Variants in HEPACAM observed in about 807,000 individuals in gnomAD.
HEPACAM encodes the protein hepatic and glial cell adhesion molecule, also known as hepatocyte cell adhesion molecule.
HEPACAM carries 18 observed loss-of-function variants against 38.3 expected under a neutral mutation model. The ratio of observed to expected loss-of-function variants is 0.47; its 90% CI spans 0.33 to 0.70. The LOEUF (loss-of-function observed/expected upper bound fraction) is 0.70. Among genes scored for constraint, HEPACAM ranks in the 30% least tolerant of loss-of-function variants. HEPACAM has a pLI of 0.03. For missense variants in HEPACAM, 466 were observed against 563.0 expected (o/e 0.83, Z 1.74); for synonymous variants, 216 against 243.1 (o/e 0.89, Z 1.04).
Position 124,920,568 on chromosome 11 carries a change from A to G in HEPACAM, c.*570T>C, listed in dbSNP as rs1947115168. The G allele has an allele frequency of 1.5e-6, 2 of 1,311,696 alleles. No individual in the cohort carries two copies. The highest frequency in any genetic ancestry group is 2.0e-6 in the Non-Finnish European group (2 of 1,007,534). 81.3% of individuals were successfully genotyped at this position (1,311,696 alleles called of 1,614,324 possible). On this transcript the variant is annotated 3_prime_UTR_variant, in exon 7 of 7. Coordinates refer to ENST00000298251, the MANE Select transcript of HEPACAM (RefSeq NM_152722.5). ...CCCAGGGAAGAAGGCCTTCACAATG[A>G]TCCCCCCAGCTCAGAACAGCCCCTG...
At chr11:124,929,910 A>C (rs1947262320) in intron 1 of HEPACAM, among the ~76,000 whole-genome samples, 1 of 152,114 alleles carries the variant, frequency 6.6e-6, no homozygotes, top group Non-Finnish European at 1.5e-5. Flanking sequence ...ATTTGTCTTA[A>C]ATTTACCTTT....
intron 5 of HEPACAM, 110 bp from the exon 6 acceptor site, chr11:124,922,568 T>A (rs1242400072): frequency 6.2e-7 from 1 of 1,600,068 alleles, no homozygotes; most frequent in East Asian, 2.2e-5. Flanking sequence ...CACCAACATA[T>A]CTGAATATCC....
rs1947106730 is a variant in HEPACAM, at chr11:124,920,114, C to G, written c.*1024G>C. 7.3e-7 allele frequency: 1 copy of G among 1,368,666 alleles called. No homozygotes were observed. The allele number at this position is 1,368,666 out of a possible 1,614,324, so 84.8% of individuals were successfully genotyped here. On this transcript the variant is annotated 3_prime_UTR_variant, in exon 7 of 7. Transcript: ENST00000298251. ...GCCAGGGGTTGGATCATGTTCCCCC[C>G]AAATGCTGGGAAGCAATAAGCCTCC...
rs570856294 is a variant in HEPACAM, at chr11:124,931,896, C to A, written c.85+4026G>T. 2.6e-5 allele frequency among the ~76,000 whole-genome samples: 4 copies of A among 152,324 alleles called. No homozygotes were observed. The East Asian group carries it at 7.7e-4, about 29-fold the overall frequency. ...AGCAATAAATTGTGGCATATTCATACAATGGAATACTATACAGCAGTGAGA... is the reference window on the plus strand; with the variant it reads ...AGCAATAAATTGTGGCATATTCATAAAATGGAATACTATACAGCAGTGAGA... On this transcript the variant is annotated intron_variant, in intron 1 of 6. Coordinates refer to ENST00000298251, the MANE Select transcript of HEPACAM (RefSeq NM_152722.5).
At chr11:124,931,392 A>G (rs1947279494) in intron 1 of HEPACAM, among the ~76,000 whole-genome samples, 1 of 152,020 alleles carries the variant, frequency 6.6e-6, no homozygotes. Context: ...AAAATTATAG[A>G]GAAGAGATCT....
chr11:124,924,711 C>T lies in HEPACAM; in HGVS notation c.427+17G>A, dbSNP rs745542468. 6.2e-7 allele frequency: 1 copy of T among 1,608,832 alleles called. No individual in the cohort carries two copies. Reference sequence around the variant, plus strand: ...CCACCTGCCAGTCTTGCCTCTTTCCCTGCCAGAGCGCTTTACCATCTACAG... The same window carrying T: ...CCACCTGCCAGTCTTGCCTCTTTCCTTGCCAGAGCGCTTTACCATCTACAG... On this transcript the variant is annotated intron_variant, in intron 2 of 6. Coordinates refer to ENST00000298251, the MANE Select transcript of HEPACAM (RefSeq NM_152722.5). This position sits in a 1 kb window ranked among gnomAD's most constrained non-coding sequence, Gnocchi z 4.4.
chr11:124,930,675 A>G (rs545397310), intron 1 of HEPACAM, among the ~76,000 whole-genome samples: 1 of 152,358 alleles, frequency 6.6e-6, no homozygotes, highest in Non-Finnish European at 1.5e-5. Flanking sequence ...ACATGAAGAT[A>G]GACAAATAGA....
Position 124,922,759 on chromosome 11 carries a change from C to A in HEPACAM, c.863G>T (p.Arg288Leu), listed in dbSNP as rs181347307. The A allele has an allele frequency of 1.2e-6, 2 of 1,614,188 alleles. No individual in the cohort carries two copies. The highest frequency in any genetic ancestry group is 1.7e-5 in the Admixed American group (1 of 60,024). ...SLEYMDQNDD[R>L]LKPEADTLPR... is the part of the protein sequence containing the mutation. Reference sequence around the variant, plus strand: ...TGGGAGCTCACCTTCTGGTTTCAGGCGGTCATCATTCTGATCCATGTATTC... The same window carrying A: ...TGGGAGCTCACCTTCTGGTTTCAGGAGGTCATCATTCTGATCCATGTATTC... Residue 288 changes from arginine (R) to leucine (L), a missense_variant, in exon 5 of 7, where the codon CGC (arginine) becomes CTC (leucine). By Grantham distance (102) the Arg-to-Leu change is moderately radical. Transcript: ENST00000298251.
intron 4 of HEPACAM, 69 bp downstream of exon 4, chr11:124,923,271 T>C: frequency 1.9e-6 from 2 of 1,044,434 alleles, no homozygotes. Context: ...TAAAGAGACT[T>C]AAGAAAATAA....
In HEPACAM at chr11:124,923,819, C is replaced by A; in HGVS notation, c.619G>T (p.Val207Leu). Residue 207 changes from valine (V) to leucine (L), a missense_variant, in exon 3 of 7, where the codon GTG becomes TTG. Physicochemically the swap from Val to Leu is conservative, Grantham distance 32. Coordinates refer to ENST00000298251, the MANE Select transcript of HEPACAM (RefSeq NM_152722.5). ...PDQKVLTITR[V>L]LMEDDDLYSC... Reference sequence around the variant, plus strand: ...TACAGGTCGTCATCCTCCATGAGCACGCGGGTGATGGTGAGCACCTTTTGG... The same window carrying A: ...TACAGGTCGTCATCCTCCATGAGCAAGCGGGTGATGGTGAGCACCTTTTGG... 6.2e-7 allele frequency: 1 copy of A among 1,614,206 alleles called. No homozygotes were observed. The highest frequency in any genetic ancestry group is 8.5e-7 in the Non-Finnish European group (1 of 1,180,046).
chr11:124,923,527 G>T, intron 3 of HEPACAM, 94 bp from the exon 4 acceptor site: 3 of 1,139,770 alleles, frequency 2.6e-6, no homozygotes, highest in Non-Finnish European at 2.6e-6. Context: ...GAGAGGGGGA[G>T]CCCCAGGCTG....
At position 124,919,717 on chromosome 11, in the gene HEPACAM, G is replaced by C; in HGVS notation, c.*1421C>G. On this transcript the variant is annotated 3_prime_UTR_variant, in exon 7 of 7. Transcript: ENST00000298251. The stretch of plus-strand genomic sequence containing the variant: ...CAAACTAGAAATGTCAGTGCCTTTG[G>C]GGCTGAGACAAAACTTGACCTGGTG... 6.2e-7 allele frequency: 1 copy of C among 1,607,898 alleles called. No homozygotes were observed. Among genetic ancestry groups the C allele is most frequent in the East Asian group, 2.2e-5 (1 of 44,812 alleles).
rs1947152999 is a variant in HEPACAM at position 124,922,475 on chromosome 11, A to G, written c.878-17T>C. The stretch of plus-strand genomic sequence containing the variant: ...GGGTGTCTGCTGCACAGGGGAGAGA[A>G]GCGGGTGGCTGGCCCAGGTACAGAC... On this transcript the variant is annotated splice_polypyrimidine_tract_variant and intron_variant, in intron 5 of 6. Transcript: ENST00000298251. The G allele has an allele frequency of 6.2e-7, 1 of 1,613,832 alleles. No individual in the cohort carries two copies. Among genetic ancestry groups the G allele is most frequent in the Non-Finnish European group, 8.5e-7 (1 of 1,179,908 alleles).
At chr11:124,930,331 G>A (rs1293233708) in intron 1 of HEPACAM, among the ~76,000 whole-genome samples, 5 of 151,736 alleles carry the variant, frequency 3.3e-5, no homozygotes, top group African/African-American at 4.8e-5. Flanking sequence ...TGGGGCTGCC[G>A]TGTTGTATTC....
chr11:124,922,355 A>C (rs1012122819), intron 6 of HEPACAM, 33 bp downstream of exon 6: 1 of 1,595,076 alleles, frequency 6.3e-7, no homozygotes, highest in African/African-American at 1.3e-5. Context: ...GGATCACTGC[A>C]TGTTTCTGGG....
chr11:124,925,059 C>T lies in HEPACAM; in HGVS notation c.96G>A (p.Glu32=), dbSNP rs768700664. The T allele has an allele frequency of 3.1e-6, 5 of 1,590,306 alleles. No homozygotes were observed. The change falls in exon 2 of 7, where the codon GAG becomes GAA. Residue 32 remains glutamate (E), a synonymous_variant. Coordinates refer to ENST00000298251, the MANE Select transcript of HEPACAM (RefSeq NM_152722.5). ...YLLLIQTDPL[E]GVNITSPVRL... ...GCACGGGGCTGGTGATGTTCACCCC[C>T]TCCAGGGGGTCTGTGAACAGAGGCC...
At chr11:124,923,694 T>C (rs1178544873) in intron 3 of HEPACAM, 35 bp downstream of exon 3, 2 of 1,613,072 alleles carry the variant, frequency 1.2e-6, no homozygotes, top group East Asian at 4.5e-5. Flanking sequence ...TCTTGGGGCT[T>C]TGAGTACTAA....
chr11:124,927,765 C>T (rs1375956709), intron 1 of HEPACAM, among the ~76,000 whole-genome samples: 1 of 151,978 alleles, frequency 6.6e-6, no homozygotes, highest in Non-Finnish European at 1.5e-5. Context: ...GTGGCACACA[C>T]CTGTAATCCT....
rs1402551718 is a variant in HEPACAM at position 124,922,621 on chromosome 11, C to T, written c.877+124G>A. 7 of 1,612,038 alleles carry T rather than the reference C, an allele frequency of 4.3e-6. No individual in the cohort carries two copies. The Admixed American group carries it at 5.0e-5, about 12-fold the overall frequency. On this transcript the variant is annotated intron_variant, in intron 5 of 6. Coordinates refer to ENST00000298251, the MANE Select transcript of HEPACAM (RefSeq NM_152722.5). The stretch of plus-strand genomic sequence containing the variant: ...AAACCTTTCCCTCCTCTGCAGTCTT[C>T]GTGCAGTTGGTGGGGGAAGGGTCCC...
Sources: allele counts gnomAD v4.1 joint callset (sites outside exome capture counted in the v4.1 genomes callset), GRCh38; gene constraint gnomAD v4.1.1; non-coding constraint Gnocchi (gnomAD v3.1); transcripts MANE v1.5; gene names NCBI Gene and HGNC (gene_info 2026-07-23, HGNC 2026-07-21).